Variants in KCNAB1 observed in about 807,000 individuals in gnomAD.
KCNAB1 encodes the protein voltage-gated potassium channel subunit beta-1.
Under a neutral mutation model 64.6 loss-of-function variants are expected in KCNAB1, and 35 were observed. The ratio of observed to expected loss-of-function variants is 0.54; its 90% confidence interval spans 0.41 to 0.72. KCNAB1 has a LOEUF of 0.72. KCNAB1 is among the 30% of genes least tolerant of loss of function. The pLI is 0.00. For missense variants in KCNAB1, 401 were observed against 512.9 expected (o/e 0.78, Z 2.11); for synonymous variants, 177 against 183.8 (o/e 0.96, Z 0.30).
At chr3:156,457,157 G>A in intron 3 of KCNAB1, 6 of 1,116,340 alleles carry the variant, frequency 5.4e-6, no homozygotes, top group Non-Finnish European at 6.7e-6. Flanking sequence ...ATGCCATAAA[G>A]AATGTTGTCA....
intron 13 of KCNAB1, 142 bp from the exon 14 acceptor site, chr3:156,536,516 G>A (rs1719065787): frequency 9.1e-6 from 6 of 661,114 alleles, no homozygotes; most frequent in Non-Finnish European, 1.6e-5. Context: ...CAATGTGATG[G>A]TGTTGGGGGC....
In KCNAB1 at chr3:156,426,177, C is replaced by A. The variant is rs80029852; in HGVS notation, c.319+4518C>A. Among the ~76,000 whole-genome samples the A allele has an allele frequency of 3.2e-3, 484 of 152,276 alleles. 5 individuals carry two copies. Among genetic ancestry groups the A allele is most frequent in the African/African-American group, 0.011 (475 of 41,544 alleles). ...TGGAATTCCTTCAAATCCAAAGGTC[C>A]CCAGGTCTCAACAAACACTTCAGGG... On this transcript the variant is annotated intron_variant, in intron 2 of 13. Transcript: ENST00000490337.
intron 1 of KCNAB1, among the ~76,000 whole-genome samples, chr3:156,230,052 A>G (rs1447741766): frequency 6.6e-6 from 1 of 152,208 alleles, no homozygotes; most frequent in Non-Finnish European, 1.5e-5. Context: ...TCTTTATTAT[A>G]TAAGCTTGAC....
At chr3:156,207,047 T>G (rs1293797159) in intron 1 of KCNAB1, among the ~76,000 whole-genome samples, 1 of 152,136 alleles carries the variant, frequency 6.6e-6, no homozygotes, top group African/African-American at 2.4e-5. Context: ...TAGATTTTGG[T>G]TTTTAAATAA....
intron 1 of KCNAB1, among the ~76,000 whole-genome samples, chr3:156,232,118 T>C (rs1386741697): frequency 6.6e-6 from 1 of 152,226 alleles, no homozygotes; most frequent in Non-Finnish European, 1.5e-5. Context: ...GCTAAATATT[T>C]AAATAGCATC....
Position 156,126,008 on chromosome 3 carries a change from G to T in KCNAB1, c.275+5122G>T, listed in dbSNP as rs533035211. 2.6e-5 allele frequency among the ~76,000 whole-genome samples: 4 copies of T among 152,294 alleles called. No homozygotes were observed. The South Asian group carries it at 6.2e-4, about 24-fold the overall frequency. On this transcript the variant is annotated intron_variant, in intron 1 of 13. Coordinates refer to ENST00000490337, the MANE Select transcript of KCNAB1 (RefSeq NM_172160.3). The stretch of plus-strand genomic sequence containing the variant: ...GTGACACAAAGATGAAACTAGAAAA[G>T]ATTCTAGTTGCTTGCAGCCTAGGAG...
chr3:156,338,331 A>T (rs1369020237), intron 1 of KCNAB1, among the ~76,000 whole-genome samples: 7 of 7,744 alleles, frequency 9.0e-4, no homozygotes, highest in African/African-American at 2.9e-3. Context: ...TTTTTTTTTT[A>T]CAGAGTTTAA....
intron 1 of KCNAB1, among the ~76,000 whole-genome samples, chr3:156,216,005 A>G (rs774722884): frequency 6.6e-6 from 1 of 152,238 alleles, no homozygotes; most frequent in Non-Finnish European, 1.5e-5. Context: ...ATGGTTCAAC[A>G]TAACACAGTT....
rs140962464 is a variant in KCNAB1 at position 156,452,653 on chromosome 3, C to T, written c.320-246C>T. ...AGGACAGGGCTTCCAATAGTATGTACAGTGGCTTTCAGTAAAGAAACAGCA... is the reference window on the plus strand; with the variant it reads ...AGGACAGGGCTTCCAATAGTATGTATAGTGGCTTTCAGTAAAGAAACAGCA... On this transcript the variant is annotated intron_variant, in intron 2 of 13. Coordinates refer to ENST00000490337, the MANE Select transcript of KCNAB1 (RefSeq NM_172160.3). The surrounding 1 kb of genome is among the most constrained non-coding windows in gnomAD (Gnocchi z 4.6). Among the ~76,000 whole-genome samples the T allele has an allele frequency of 4.6e-5, 7 of 152,232 alleles. No homozygotes were observed. In the East Asian group the frequency reaches 1.4e-3, roughly 29 times the overall value.
chr3:156,281,913 C>T (rs1256133916), intron 1 of KCNAB1, among the ~76,000 whole-genome samples: 2 of 147,586 alleles, frequency 1.4e-5, no homozygotes, highest in African/African-American at 2.5e-5. Flanking sequence ...TTTCAAAAAA[C>T]CAGCTCCTGG....
intron 6 of KCNAB1, 96 bp downstream of exon 6, chr3:156,463,842 G>T: frequency 1.1e-6 from 1 of 907,860 alleles, no homozygotes; most frequent in Non-Finnish European, 1.7e-6. Context: ...AAAATTAATT[G>T]GCTTAGAGAG....
In KCNAB1 at chr3:156,525,950, A is replaced by G. The variant is rs570354570; in HGVS notation, c.1081+2003A>G. Among the ~76,000 whole-genome samples, 17 of 152,372 alleles carry G rather than the reference A, an allele frequency of 1.1e-4. No homozygotes were observed. In the South Asian group the frequency reaches 3.5e-3, roughly 32 times the overall value. ...GCACAGTGTTTACAAAGTCTATGGT[A>G]GTGTACAAGAATGTCCCAGGCCTTC... On this transcript the variant is annotated intron_variant, in intron 12 of 13. Coordinates refer to ENST00000490337, the MANE Select transcript of KCNAB1 (RefSeq NM_172160.3).
intron 12 of KCNAB1, among the ~76,000 whole-genome samples, chr3:156,525,297 G>A (rs1487860748): frequency 6.6e-6 from 1 of 151,910 alleles, no homozygotes; most frequent in Non-Finnish European, 1.5e-5. Context: ...TGTGGAGGTG[G>A]AACATAGTGA....
chr3:156,464,328 A>T (rs1245091360), intron 6 of KCNAB1, among the ~76,000 whole-genome samples: 2 of 152,148 alleles, frequency 1.3e-5, no homozygotes, highest in Non-Finnish European at 2.9e-5. Context: ...TTGGCTTCTT[A>T]TGGGCCTGCT....
At chr3:156,529,758 A>C (rs1400266247) in intron 12 of KCNAB1, among the ~76,000 whole-genome samples, 1 of 152,232 alleles carries the variant, frequency 6.6e-6, no homozygotes, top group Admixed American at 6.5e-5. Flanking sequence ...ACAGTTCTTA[A>C]AGAGTACTCC....
intron 1 of KCNAB1, among the ~76,000 whole-genome samples, chr3:156,263,655 T>C (rs1718545894): frequency 1.3e-5 from 2 of 152,106 alleles, no homozygotes; most frequent in Non-Finnish European, 2.9e-5. Context: ...GGGATTGTTT[T>C]AGGATCTCCT....
intron 1 of KCNAB1, among the ~76,000 whole-genome samples, chr3:156,312,933 G>A (rs1428549887): frequency 1.3e-5 from 2 of 152,014 alleles, no homozygotes; most frequent in Non-Finnish European, 2.9e-5. Flanking sequence ...GGCTCCAGCT[G>A]GATCAACTAG....
Position 156,315,665 on chromosome 3 carries a change from C to T in KCNAB1, c.276-105951C>T, listed in dbSNP as rs74489644. On this transcript the variant is annotated intron_variant, in intron 1 of 13. Coordinates refer to ENST00000490337, the MANE Select transcript of KCNAB1 (RefSeq NM_172160.3). ...TATCTCAACTATAGCATAAATGAAC[C>T]CATTTAAGAAAAACGTTTCTCATTA... is the stretch of plus-strand genomic sequence containing the variant. Among the ~76,000 whole-genome samples the T allele has an allele frequency of 8.6e-3, 1,315 of 152,058 alleles. 11 individuals carry two copies. The highest frequency in any genetic ancestry group is 0.031 in the Middle Eastern group (9 of 294).
chr3:156,338,387 C>T (rs1442420769), intron 1 of KCNAB1, among the ~76,000 whole-genome samples: 2 of 136,772 alleles, frequency 1.5e-5, no homozygotes, highest in African/African-American at 2.7e-5. Context: ...CTCAGCTCAC[C>T]GCAACCTCCG....
Sources: allele counts gnomAD v4.1 joint callset (sites outside exome capture counted in the v4.1 genomes callset), GRCh38; gene constraint gnomAD v4.1.1; non-coding constraint Gnocchi (gnomAD v3.1); transcripts MANE v1.5; gene names NCBI Gene and HGNC (gene_info 2026-07-23, HGNC 2026-07-21).